The following LRCH1 variants were observed in gnomAD, a reference collection of about 807,000 sequenced individuals.
LRCH1 encodes leucine rich repeats and calponin homology domain containing 1.
LRCH1 carries 23 observed loss-of-function variants against 94.9 expected under a neutral mutation model. The ratio of observed to expected loss-of-function variants is 0.24; its 90% CI spans 0.17 to 0.34. The LOEUF (loss-of-function observed/expected upper bound fraction) is 0.34, where lower values mean the gene tolerates loss of function less well. LRCH1 is among the 10% of genes least tolerant of loss of function. The pLI is 1.00. For missense variants in LRCH1, 790 were observed against 945.9 expected (o/e 0.84, Z 2.16); for synonymous variants, 364 against 354.9 (o/e 1.03, Z -0.29).
At chr13:46,603,618 C>A (rs567658909) in intron 1 of LRCH1, among the ~76,000 whole-genome samples, 1 of 152,250 alleles carries the variant, frequency 6.6e-6, no homozygotes, top group East Asian at 1.9e-4. Context: ...TTTAAACATG[C>A]TGTTTAAAAA....
At chr13:46,729,566 A>G (rs538220852) in intron 18 of LRCH1, among the ~76,000 whole-genome samples, 93 of 151,632 alleles carry the variant, frequency 6.1e-4, no homozygotes, top group African/African-American at 2.2e-3. Context: ...AAAAAAAAAA[A>G]AAGAAAAAGA....
intron 1 of LRCH1, among the ~76,000 whole-genome samples, chr13:46,587,534 C>T (rs2050449096): frequency 6.6e-6 from 1 of 152,130 alleles, no homozygotes; most frequent in Non-Finnish European, 1.5e-5. Context: ...TTGTGGATGC[C>T]TAAGAGGAAG....
intron 3 of LRCH1, among the ~76,000 whole-genome samples, chr13:46,677,131 C>T (rs753426992): frequency 3.6e-4 from 55 of 151,966 alleles, no homozygotes; most frequent in Non-Finnish European, 6.0e-4. Flanking sequence ...TCTAGTCAGC[C>T]GGGCACGGTG....
chr13:46,743,741 AAAAAG>A lies in LRCH1; in HGVS notation c.*1898_*1902del. On this transcript the variant is annotated 3_prime_UTR_variant, in exon 20 of 20. Coordinates refer to ENST00000389797, the MANE Select transcript of LRCH1 (RefSeq NM_001164211.2). ...TTTCTGGGGAGAAAATGGGAAAAAA[AAAAAG>A]AAAACTTACTGGGTTGCCACCTTAA... 1 of 985,374 alleles carries A rather than the reference AAAAAG, an allele frequency of 1.0e-6. No homozygotes were observed. Among genetic ancestry groups the A allele is most frequent in the Non-Finnish European group, 1.2e-6 (1 of 829,890 alleles). The allele number at this position is 985,374 out of a possible 1,614,324, so 61.0% of individuals were successfully genotyped here. A position where few individuals can be genotyped will look rare whatever the true frequency, so the allele number is the denominator to read the frequency against.
chr13:46,652,387 TTTTTTTTG>T (rs1451910529), intron 2 of LRCH1, among the ~76,000 whole-genome samples: 2 of 66,294 alleles, frequency 3.0e-5, no homozygotes, highest in Non-Finnish European at 7.1e-5. Context: ...AGTGTATTTG[TTTTTTTTG>T]TTTTTTTTTT....
chr13:46,621,583 T>G (rs1401320436), intron 1 of LRCH1, among the ~76,000 whole-genome samples: 1 of 152,126 alleles, frequency 6.6e-6, no homozygotes, highest in East Asian at 1.9e-4. Flanking sequence ...TTTGATAAAG[T>G]CTAGGTGAGT....
At chr13:46,580,506 T>C (rs2050353175) in intron 1 of LRCH1, among the ~76,000 whole-genome samples, 1 of 152,214 alleles carries the variant, frequency 6.6e-6, no homozygotes, top group Admixed American at 6.5e-5. Flanking sequence ...TGCATGCTGC[T>C]TTCTGCTCCA....
intron 3 of LRCH1, among the ~76,000 whole-genome samples, chr13:46,670,549 G>A (rs1348629407): frequency 1.3e-5 from 2 of 152,080 alleles, no homozygotes; most frequent in Non-Finnish European, 2.9e-5. Context: ...TGAGTCTGCT[G>A]TGCCCAAGGC....
intron 19 of LRCH1, among the ~76,000 whole-genome samples, chr13:46,738,930 C>T: frequency 6.6e-6 from 1 of 152,098 alleles, no homozygotes; most frequent in South Asian, 2.1e-4. Flanking sequence ...CCTTCCCCAC[C>T]TCTCTCCTCT....
chr13:46,650,431 TTGCAA>T lies in LRCH1; in HGVS notation c.452+88_452+92del, dbSNP rs534944274. On this transcript the variant is annotated intron_variant, in intron 2 of 19. Coordinates refer to ENST00000389797, the MANE Select transcript of LRCH1 (RefSeq NM_001164211.2). ...CATTTCTATCCATTTTTTCCCCTTTTTGCAATTCTTGATTTTTCTTTGATGTAGGT... is the reference window on the plus strand; with the variant it reads ...CATTTCTATCCATTTTTTCCCCTTTTTTCTTGATTTTTCTTTGATGTAGGT... 50 of 1,191,710 alleles carry T rather than the reference TTGCAA, an allele frequency of 4.2e-5. No homozygotes were observed. In the African/African-American group the frequency reaches 6.6e-4, roughly 16 times the overall value. The allele number at this position is 1,191,710 out of a possible 1,614,324, so 73.8% of individuals were successfully genotyped here.
chr13:46,702,935 T>C (rs992421755), intron 11 of LRCH1, among the ~76,000 whole-genome samples: 2 of 152,078 alleles, frequency 1.3e-5, no homozygotes, highest in African/African-American at 4.8e-5. Context: ...GGCGATGGCT[T>C]TGGATGTTGT....
intron 18 of LRCH1, among the ~76,000 whole-genome samples, chr13:46,731,188 G>T (rs1873088312): frequency 7.2e-6 from 1 of 138,892 alleles, no homozygotes; most frequent in Admixed American, 7.6e-5. Flanking sequence ...ATATAGACTA[G>T]TAATTTTTTA....
chr13:46,701,654 C>A (rs1871481255), intron 11 of LRCH1, among the ~76,000 whole-genome samples: 1 of 152,112 alleles, frequency 6.6e-6, no homozygotes. Flanking sequence ...GAATATATTT[C>A]TAAAGATTTG....
chr13:46,555,178 A>C (rs2050050723), intron 1 of LRCH1, among the ~76,000 whole-genome samples: 1 of 152,204 alleles, frequency 6.6e-6, no homozygotes, highest in Non-Finnish European at 1.5e-5. Flanking sequence ...AGTGTCTTTC[A>C]ATAAGACCTC....
rs746694209 is a variant in LRCH1, at chr13:46,694,917, C to T, written c.1145C>T (p.Pro382Leu). 29 of 1,613,968 alleles carry T rather than the reference C, an allele frequency of 1.8e-5. No homozygotes were observed. The highest frequency in any genetic ancestry group is 1.1e-4 in the African/African-American group (8 of 74,924). ...GGGGAATTTCATCAGGAATTTCAACCGGAGCCTTCCCTTTTGGGTGACAGC... is the reference window on the plus strand; with the variant it reads ...GGGGAATTTCATCAGGAATTTCAACTGGAGCCTTCCCTTTTGGGTGACAGC... Reference protein sequence around the residue: ...VKGEFHQEFQPEPSLLGDSTN... With the variant: ...VKGEFHQEFQLEPSLLGDSTN... The change falls in exon 9 of 20, where the codon CCG (proline) becomes CTG (leucine). Residue 382 changes from proline (P) to leucine (L), a missense_variant. Around this residue, in one of 3 missense-constraint regions of LRCH1, gnomAD observed 460 missense variants for 508.9 expected, o/e 0.90. Transcript: ENST00000389797.
intron 1 of LRCH1, among the ~76,000 whole-genome samples, chr13:46,559,986 G>A (rs557503628): frequency 1.3e-5 from 2 of 152,184 alleles, no homozygotes; most frequent in South Asian, 2.1e-4. Context: ...TGAAATCCAT[G>A]TTGACGTCGA....
At chr13:46,746,748 C>T (rs1403288447), downstream of LRCH1, among the ~76,000 whole-genome samples, 2 of 152,218 alleles carry the variant, frequency 1.3e-5, no homozygotes, top group Non-Finnish European at 2.9e-5. Flanking sequence ...AGTCATTCCT[C>T]ATCCAGCTGT....
intron 1 of LRCH1, among the ~76,000 whole-genome samples, chr13:46,564,438 G>GTT (rs1339071542): frequency 6.6e-6 from 1 of 152,216 alleles, no homozygotes; most frequent in African/African-American, 2.4e-5. Flanking sequence ...TTGGCATCAG[G>GTT]CTGTGAATGA....
chr13:46,583,831 G>A (rs768903184), intron 1 of LRCH1, among the ~76,000 whole-genome samples: 1 of 150,718 alleles, frequency 6.6e-6, no homozygotes, highest in South Asian at 2.1e-4. Flanking sequence ...CGCAATCTCC[G>A]CTCACTGCAA....
Sources: gnomAD v4.1 joint callset for allele counts (sites outside exome capture counted in the v4.1 genomes callset) on GRCh38, gnomAD v4.1.1 for gene constraint, gnomAD v4.1.1 regional missense constraint, MANE v1.5 for transcripts, NCBI Gene and HGNC (gene_info 2026-07-23, HGNC 2026-07-21) for gene names.